The following ZYG11B variants were observed in gnomAD, a reference collection of about 807,000 sequenced individuals.
ZYG11B encodes the protein protein zyg-11 homolog B.
A neutral mutation model predicts 82.4 loss-of-function variants in ZYG11B; 36 were observed. The ratio of observed to expected loss-of-function variants is 0.44; its 90% CI spans 0.33 to 0.58. ZYG11B has a LOEUF of 0.58. Among genes scored for constraint, ZYG11B ranks in the 20% least tolerant of loss-of-function variants. ZYG11B has a pLI of 0.02. For synonymous variants in ZYG11B, 303 were observed against 312.8 expected (o/e 0.97, Z 0.33); for missense variants, 552 against 895.6 (o/e 0.62, Z 4.90).
intron 13 of ZYG11B, among the ~76,000 whole-genome samples, chr1:52,817,775 G>GTATA (rs1553264314): frequency 0.019 from 614 of 32,502 alleles, 28 homozygotes; most frequent in Non-Finnish European, 0.029. Context: ...GTATATATAT[G>GTATA]TGTATATATA....
In ZYG11B at chr1:52,803,265, T is replaced by TAC. The variant is rs1227030663; in HGVS notation, c.1695+1140_1695+1141dup. On this transcript the variant is annotated intron_variant, in intron 10 of 13. Transcript: ENST00000294353. ...ACACACACACATATATATATATATA[T>TAC]ACACACACACACACATATATATATA... Among the ~76,000 whole-genome samples, 423 of 72,316 alleles carry TAC rather than the reference T, an allele frequency of 5.8e-3. 22 individuals carry two copies. The Middle Eastern group carries it at 0.063, about 11-fold the overall frequency. 47.4% of individuals were successfully genotyped at this position (72,316 alleles called of 152,430 possible).
intron 10 of ZYG11B, among the ~76,000 whole-genome samples, chr1:52,803,093 T>TACAC (rs1443414210): frequency 9.4e-5 from 2 of 21,204 alleles, no homozygotes; most frequent in Non-Finnish European, 1.7e-4. Context: ...TACACATATA[T>TACAC]ATATACATAT....
intron 3 of ZYG11B, 66 bp from the exon 4 acceptor site, chr1:52,779,787 G>A: frequency 6.3e-7 from 1 of 1,592,690 alleles, no homozygotes; most frequent in South Asian, 1.1e-5. Context: ...ACCGCGCCTG[G>A]CCACACATGA....
At chr1:52,812,711 G>T (rs779282692) in intron 10 of ZYG11B, among the ~76,000 whole-genome samples, 106 of 149,804 alleles carry the variant, frequency 7.1e-4, no homozygotes, top group Admixed American at 1.3e-3. Context: ...GGCTGTTTTG[G>T]GTTTGTTTGT....
chr1:52,741,219 A>C (rs1644426973), intron 1 of ZYG11B, among the ~76,000 whole-genome samples: 1 of 148,386 alleles, frequency 6.7e-6, no homozygotes, highest in South Asian at 2.2e-4. Context: ...TATTGCTTGA[A>C]TCCAAGAGGC....
intron 3 of ZYG11B, among the ~76,000 whole-genome samples, chr1:52,777,948 T>C (rs187980659): frequency 2.0e-5 from 3 of 152,318 alleles, no homozygotes; most frequent in Non-Finnish European, 2.9e-5. Context: ...TAAATAATTA[T>C]ATAGCTTAAT....
intron 2 of ZYG11B, among the ~76,000 whole-genome samples, chr1:52,759,378 C>T (rs1021539749): frequency 2.6e-5 from 4 of 152,194 alleles, no homozygotes; most frequent in Non-Finnish European, 4.4e-5. Flanking sequence ...TTATTAAATG[C>T]TTATTATTAT....
chr1:52,740,558 C>G (rs1204126183), intron 1 of ZYG11B, among the ~76,000 whole-genome samples: 1 of 148,136 alleles, frequency 6.8e-6, no homozygotes, highest in African/African-American at 2.5e-5. Flanking sequence ...GCCCTTGGTA[C>G]TACCTTCTTT....
chr1:52,784,578 C>T (rs1251950754), intron 4 of ZYG11B, among the ~76,000 whole-genome samples: 3 of 152,132 alleles, frequency 2.0e-5, no homozygotes. Context: ...TTATTCACTG[C>T]CTTCCATATA....
intron 10 of ZYG11B, among the ~76,000 whole-genome samples, chr1:52,810,599 G>C (rs1442541274): frequency 6.6e-6 from 1 of 152,150 alleles, no homozygotes; most frequent in Non-Finnish European, 1.5e-5. Flanking sequence ...GAGAGTCACT[G>C]TCCTTTATTG....
At chr1:52,731,887 C>T (rs878957) in intron 1 of ZYG11B, among the ~76,000 whole-genome samples, 79,844 of 151,990 alleles carry the variant, frequency 0.53, 21,812 homozygotes, top group East Asian at 0.93. Context: ...GCTGCAGTCT[C>T]GACCTCCCAG....
intron 1 of ZYG11B, among the ~76,000 whole-genome samples, chr1:52,738,606 C>CTTT (rs11390068): frequency 1.4e-5 from 2 of 140,814 alleles, no homozygotes; most frequent in African/African-American, 5.3e-5. Flanking sequence ...TTTCTAAGGA[C>CTTT]TTTTTTTTTT....
At chr1:52,806,421 A>G (rs909423825) in intron 10 of ZYG11B, among the ~76,000 whole-genome samples, 67 of 152,166 alleles carry the variant, frequency 4.4e-4, no homozygotes, top group African/African-American at 1.4e-3. Context: ...GGAGTTTTGA[A>G]ATCTCTGACT....
intron 3 of ZYG11B, among the ~76,000 whole-genome samples, chr1:52,773,628 T>TATATATATATATATATA (rs59444202): frequency 6.8e-4 from 9 of 13,180 alleles, no homozygotes; most frequent in African/African-American, 1.4e-3. Flanking sequence ...TATATATATA[T>TATATATATATATATATA]TTTTTTTTTT....
At chr1:52,809,026 C>T (rs537034574) in intron 10 of ZYG11B, among the ~76,000 whole-genome samples, 2 of 152,176 alleles carry the variant, frequency 1.3e-5, no homozygotes, top group East Asian at 1.9e-4. Flanking sequence ...ATATCCTAAT[C>T]GGCTAGTTTT....
intron 2 of ZYG11B, 71 bp from the exon 3 acceptor site, chr1:52,770,948 TA>T: frequency 6.6e-7 from 1 of 1,506,782 alleles, no homozygotes. Context: ...TTTGGAAATG[TA>T]AAGTGTGATG....
intron 1 of ZYG11B, among the ~76,000 whole-genome samples, chr1:52,727,831 A>C (rs995747987): frequency 1.3e-5 from 2 of 152,180 alleles, no homozygotes; most frequent in Admixed American, 6.5e-5. Context: ...TTTATTGAAA[A>C]CATTGCTCCA....
intron 12 of ZYG11B, among the ~76,000 whole-genome samples, chr1:52,815,033 C>G (rs1645212004): frequency 6.6e-6 from 1 of 152,074 alleles, no homozygotes. Flanking sequence ...TGGTGCACAC[C>G]TGTAATTCCA....
At chr1:52,740,309 T>G (rs1193480665) in intron 1 of ZYG11B, among the ~76,000 whole-genome samples, 1 of 152,192 alleles carries the variant, frequency 6.6e-6, no homozygotes, top group Non-Finnish European at 1.5e-5. Context: ...CTCTTGATCT[T>G]TTTTAGGTAG....
Sources: gnomAD v4.1 joint callset for allele counts (sites outside exome capture counted in the v4.1 genomes callset) on GRCh38, gnomAD v4.1.1 for gene constraint, MANE v1.5 for transcripts, NCBI Gene and HGNC (gene_info 2026-07-23, HGNC 2026-07-21) for gene names.